ACCSL: variants seen among roughly 807,000 people sequenced by gnomAD.
The protein encoded by ACCSL is probable inactive 1-aminocyclopropane-1-carboxylate synthase-like protein 2.
ACCSL carries 55 observed loss-of-function variants against 61.7 expected under a neutral mutation model. The observed-to-expected ratio is 0.89, with a 90% confidence interval of 0.72 to 1.12. The LOEUF (loss-of-function observed/expected upper bound fraction) is 1.12. Among genes scored for constraint, ACCSL ranks in the 50% most tolerant of loss-of-function variants. The pLI is 0.00. For synonymous variants in ACCSL, 258 were observed against 264.3 expected (o/e 0.98, Z 0.23); for missense variants, 632 against 698.0 (o/e 0.91, Z 1.07).
At chr11:43,994,411 G>C in the ACCSL span, among the ~76,000 whole-genome samples, 55 of 152,330 alleles carry the variant, frequency 3.6e-4, no homozygotes, top group South Asian at 0.011. Context: ...CAGGGTGTCA[G>C]TGTGGCCATA....
the ACCSL span, among the ~76,000 whole-genome samples, chr11:44,003,146 T>A: frequency 0.055 from 8,349 of 152,210 alleles, 283 homozygotes; most frequent in Middle Eastern, 0.095. Context: ...AGCTGGTTTT[T>A]AAAAAGAATG....
At chr11:43,951,209 G>A in the ACCSL span, among the ~76,000 whole-genome samples, 1 of 152,168 alleles carries the variant, frequency 6.6e-6, no homozygotes, top group African/African-American at 2.4e-5. Flanking sequence ...AAGTCATAGA[G>A]AGAACCTAGA....
the ACCSL span, among the ~76,000 whole-genome samples, chr11:43,941,813 T>TA: frequency 6.6e-6 from 1 of 152,122 alleles, no homozygotes; most frequent in Non-Finnish European, 1.5e-5. Context: ...AACAGGATAA[T>TA]ATACGTAAAA....
chr11:43,983,703 C>A, the ACCSL span, among the ~76,000 whole-genome samples: 15 of 150,302 alleles, frequency 1.0e-4, no homozygotes, highest in Non-Finnish European at 1.9e-4. Context: ...GGTTTGGATT[C>A]CAGCTCCTCA....
chr11:44,028,128 C>T, the ACCSL span, among the ~76,000 whole-genome samples: 3 of 151,750 alleles, frequency 2.0e-5, no homozygotes, highest in Non-Finnish European at 2.9e-5. Context: ...ATCATGCCAC[C>T]GTACTCCTGC....
chr11:44,010,815 G>A, the ACCSL span, among the ~76,000 whole-genome samples: 24 of 152,296 alleles, frequency 1.6e-4, no homozygotes, highest in African/African-American at 5.1e-4. Flanking sequence ...AGCAACAAGT[G>A]TGTATAACTG....
In ACCSL at chr11:44,048,254, G is replaced by T. The variant is rs138904993; in HGVS notation, c.218G>T (p.Arg73Leu). 1 of 1,614,152 alleles carries T rather than the reference G, an allele frequency of 6.2e-7. No homozygotes were observed. Among genetic ancestry groups the T allele is most frequent in the South Asian group, 1.1e-5 (1 of 91,076 alleles). ...AICEHEALLS[R>L]LICRMINLLQ... ...TGTGAGCATGAAGCCCTTCTGAGTC[G>T]CTTAATATGCCGGATGATCAACCTC... Residue 73 changes from arginine to leucine, a missense_variant, in exon 1 of 14, where the codon CGC (arginine) becomes CTC (leucine). Transcript: ENST00000378832.
the ACCSL span, chr11:43,971,422 T>C: frequency 6.6e-5 from 10 of 152,186 alleles, no homozygotes; most frequent in Non-Finnish European, 1.2e-4. Flanking sequence ...AGGTAAGTAA[T>C]ACTATTTCCT....
chr11:44,044,401 C>A (rs1371842863), upstream of ACCSL, among the ~76,000 whole-genome samples: 1 of 152,174 alleles, frequency 6.6e-6, no homozygotes, highest in Admixed American at 6.5e-5. Context: ...CTTCCAACAT[C>A]CTACAGTTAG....
the ACCSL span, among the ~76,000 whole-genome samples, chr11:43,965,645 G>GAATTCT: frequency 6.6e-6 from 1 of 152,080 alleles, no homozygotes; most frequent in Admixed American, 6.5e-5. Context: ...AAGGCACCCT[G>GAATTCT]AATAGATAAA....
the ACCSL span, among the ~76,000 whole-genome samples, chr11:43,999,884 A>T: frequency 6.6e-6 from 1 of 152,226 alleles, no homozygotes; most frequent in African/African-American, 2.4e-5. Flanking sequence ...GTAACAACAC[A>T]ACAATGAAAA....
At chr11:44,018,628 A>G in the ACCSL span, among the ~76,000 whole-genome samples, 1 of 152,222 alleles carries the variant, frequency 6.6e-6, no homozygotes, top group Non-Finnish European at 1.5e-5. Flanking sequence ...CCAGGATGAT[A>G]ATAGTAATAA....
chr11:43,932,979 C>T, the ACCSL span: 45 of 427,800 alleles, frequency 1.1e-4, no homozygotes, highest in South Asian at 5.3e-4. Flanking sequence ...AGGCTGGAGG[C>T]GCTTTGGAGG....
At chr11:43,956,420 G>A in the ACCSL span, among the ~76,000 whole-genome samples, 2 of 136,186 alleles carry the variant, frequency 1.5e-5, no homozygotes, top group African/African-American at 2.6e-5. Context: ...TTTTCTCACT[G>A]CTACAATTTT....
At chr11:43,957,261 G>T in the ACCSL span, among the ~76,000 whole-genome samples, 1 of 147,674 alleles carries the variant, frequency 6.8e-6, no homozygotes, top group Non-Finnish European at 1.5e-5. Flanking sequence ...TGCATGGAAA[G>T]TATCCATTAG....
At chr11:44,020,393 T>G in the ACCSL span, among the ~76,000 whole-genome samples, 2 of 152,204 alleles carry the variant, frequency 1.3e-5, no homozygotes, top group African/African-American at 4.8e-5. Flanking sequence ...GCAGACATCC[T>G]TCTATTGTTC....
chr11:43,977,728 G>T, the ACCSL span, among the ~76,000 whole-genome samples: 1 of 152,196 alleles, frequency 6.6e-6, no homozygotes, highest in Non-Finnish European at 1.5e-5. Context: ...GATCCCACCT[G>T]GGTTGCCTGG....
At chr11:44,013,872 G>C in the ACCSL span, among the ~76,000 whole-genome samples, 1 of 152,192 alleles carries the variant, frequency 6.6e-6, no homozygotes, top group Non-Finnish European at 1.5e-5. Flanking sequence ...GTTGGTAACA[G>C]ACAGATGGGT....
At chr11:43,974,610 G>A in the ACCSL span, among the ~76,000 whole-genome samples, 1 of 152,304 alleles carries the variant, frequency 6.6e-6, no homozygotes, top group East Asian at 1.9e-4. Flanking sequence ...CTCCAAGATG[G>A]CCTTAAGGAT....
Sources: gnomAD v4.1 joint callset for allele counts (sites outside exome capture counted in the v4.1 genomes callset) on GRCh38, gnomAD v4.1.1 for gene constraint, MANE v1.5 for transcripts, NCBI Gene and HGNC (gene_info 2026-07-23, HGNC 2026-07-21) for gene names.